SERPINE3: variants seen among roughly 807,000 people sequenced by gnomAD.
SERPINE3 encodes the protein serpin E3.
Under a neutral mutation model 41.7 loss-of-function variants are expected in SERPINE3, and 43 were observed. The ratio of observed to expected loss-of-function variants is 1.03; its 90% confidence interval spans 0.81 to 1.33. The LOEUF (loss-of-function observed/expected upper bound fraction) is 1.33, where lower values mean the gene tolerates loss of function less well. Among genes scored for constraint, SERPINE3 ranks in the 40% most tolerant of loss-of-function variants. The pLI is 0.00. For missense variants in SERPINE3, 440 were observed against 491.7 expected, an observed-to-expected ratio of 0.89 and a Z score of 0.99; for synonymous variants, 200 against 192.2, an observed-to-expected ratio of 1.04 and a Z score of -0.34.
Position 51,355,289 on chromosome 13 carries a change from T to C in SERPINE3, c.1000+146T>C, listed in dbSNP as rs139032125. On this transcript the variant is annotated intron_variant, in intron 7 of 9. Coordinates refer to ENST00000681248, the MANE Select transcript of SERPINE3 (RefSeq NM_001386375.1). ...GTTTTATATAAGAATGTGTTGCTTC[T>C]AATAACAGTCAAATTTGGGTTAGAT... 400 of 576,960 alleles carry C rather than the reference T, an allele frequency of 6.9e-4. 2 individuals are homozygous for C. Among genetic ancestry groups the C allele is most frequent in the South Asian group, 2.0e-3 (87 of 42,902 alleles). The allele number at this position is 576,960 out of a possible 1,614,324, so 35.7% of individuals were successfully genotyped here.
intron 7 of SERPINE3, among the ~76,000 whole-genome samples, chr13:51,356,407 GATA>G (rs1241410784): frequency 6.6e-6 from 1 of 152,172 alleles, no homozygotes; most frequent in Non-Finnish European, 1.5e-5. Flanking sequence ...TTCTATGTTT[GATA>G]ATGTGCAAAA....
chr13:51,344,217 A>G, intron 3 of SERPINE3, 35 bp from the exon 4 acceptor site: 1 of 1,522,384 alleles, frequency 6.6e-7, no homozygotes. Flanking sequence ...ACTCACACTC[A>G]CCATTGTCAA....
At chr13:51,344,216 C>A in intron 3 of SERPINE3, 36 bp from the exon 4 acceptor site, 1 of 1,516,880 alleles carries the variant, frequency 6.6e-7, no homozygotes, top group South Asian at 1.1e-5. Context: ...TACTCACACT[C>A]ACCATTGTCA....
chr13:51,346,935 A>C, intron 4 of SERPINE3, 90 bp from the exon 5 acceptor site: 1 of 925,414 alleles, frequency 1.1e-6, no homozygotes, highest in Non-Finnish European at 1.7e-6. Context: ...TTCGCATTTT[A>C]ACTCTGCACT....
chr13:51,356,777 G>A (rs1471522678), intron 7 of SERPINE3, among the ~76,000 whole-genome samples: 10 of 122,644 alleles, frequency 8.2e-5, no homozygotes, highest in East Asian at 5.4e-4. Context: ...TTTTTGATAC[G>A]AAACCTTTTT....
intron 3 of SERPINE3, among the ~76,000 whole-genome samples, chr13:51,341,972 C>G (rs1053572693): frequency 2.0e-5 from 3 of 152,118 alleles, no homozygotes; most frequent in South Asian, 2.1e-4. Flanking sequence ...CAGCTTATTT[C>G]TATGGATTAT....
intron 9 of SERPINE3, 164 bp downstream of exon 9, chr13:51,362,057 C>T (rs1260839175): frequency 6.3e-7 from 1 of 1,575,676 alleles, no homozygotes; most frequent in East Asian, 2.3e-5. Flanking sequence ...AGAAAGGGGA[C>T]TATTTCGTAA....
chr13:51,353,176 TA>T (rs1955426087), intron 6 of SERPINE3, among the ~76,000 whole-genome samples: 1 of 152,228 alleles, frequency 6.6e-6, no homozygotes, highest in Non-Finnish European at 1.5e-5. Context: ...TAATCTTTTA[TA>T]GTCATATCTC....
At position 51,364,226 on chromosome 13, in the gene SERPINE3, T is replaced by A; in HGVS notation, c.1172-13T>A. On this transcript the variant is annotated splice_polypyrimidine_tract_variant and intron_variant, in intron 9 of 9. Coordinates refer to ENST00000681248, the MANE Select transcript of SERPINE3 (RefSeq NM_001386375.1). ...AATACTATATAATATTAAATTCTTC[T>A]TTTTCTTGACAGGGTTTGTCTTCAG... 7.2e-7 allele frequency: 1 copy of A among 1,384,378 alleles called. No individual in the cohort carries two copies. The highest frequency in any genetic ancestry group is 9.8e-7 in the Non-Finnish European group (1 of 1,024,130). The allele number at this position is 1,384,378 out of a possible 1,614,324, so 85.8% of individuals were successfully genotyped here.
intron 6 of SERPINE3, among the ~76,000 whole-genome samples, chr13:51,351,648 A>C (rs79006687): frequency 0.07 from 10,659 of 151,954 alleles, 422 homozygotes; most frequent in East Asian, 0.19. Context: ...AAGCTCAATT[A>C]ATCTATGTTT....
intron 6 of SERPINE3, chr13:51,354,159 C>T (rs1016768339): frequency 6.6e-6 from 1 of 152,040 alleles, no homozygotes; most frequent in Non-Finnish European, 1.5e-5. Context: ...TAGTCAACAG[C>T]CTCTTTTCTG....
intron 7 of SERPINE3, among the ~76,000 whole-genome samples, 165 bp downstream of exon 7, chr13:51,355,308 G>A (rs1350746085): frequency 1.3e-5 from 2 of 152,110 alleles, no homozygotes; most frequent in East Asian, 3.8e-4. Flanking sequence ...TCAAATTTGG[G>A]TTAGATCTTG....
chr13:51,353,910 C>G (rs768948778), intron 6 of SERPINE3, among the ~76,000 whole-genome samples: 2 of 151,944 alleles, frequency 1.3e-5, no homozygotes, highest in Non-Finnish European at 2.9e-5. Flanking sequence ...TATCAGCAGC[C>G]CTTTTAAAGT....
intron 7 of SERPINE3, among the ~76,000 whole-genome samples, chr13:51,360,327 A>G (rs1336316662): frequency 2.7e-5 from 4 of 148,658 alleles, no homozygotes; most frequent in Non-Finnish European, 6.0e-5. Context: ...AATGGAGGAG[A>G]GGGGTGGGAT....
chr13:51,361,845 T>C lies in SERPINE3; in HGVS notation c.1123T>C (p.Phe375Leu). ...LLLKRSRIPI[F>L]KADRPFIYFL... ...ATTGAAAAGGTCTCGGATTCCTATT[T>C]TTAAAGCAGATCGGCCATTCATCTA... The change falls in exon 9 of 10, where the codon TTT becomes CTT. Residue 375 changes from phenylalanine (F) to leucine (L), a missense_variant. Transcript: ENST00000681248. 6.2e-7 allele frequency: 1 copy of C among 1,611,224 alleles called. No individual in the cohort carries two copies. Among genetic ancestry groups the C allele is most frequent in the Non-Finnish European group, 8.5e-7 (1 of 1,178,560 alleles).
Position 51,364,406 on chromosome 13 carries a change from T to C in SERPINE3, c.*124T>C. 1.9e-6 allele frequency: 1 copy of C among 514,436 alleles called. No homozygotes were observed. 31.9% of individuals were successfully genotyped at this position (514,436 alleles called of 1,614,324 possible). On this transcript the variant is annotated 3_prime_UTR_variant, in exon 10 of 10. Transcript: ENST00000681248. ...AAAGCTAAGGGTATGTGATTTTCAA[T>C]ATTATAAACCTAAAAATACTTCAGT...
intron 3 of SERPINE3, among the ~76,000 whole-genome samples, chr13:51,343,151 C>T (rs575157330): frequency 6.6e-6 from 1 of 152,160 alleles, no homozygotes; most frequent in South Asian, 2.1e-4. Context: ...AGGGGACAGA[C>T]CCCAAGTGAG....
At chr13:51,351,617 CA>C (rs1435148012) in intron 6 of SERPINE3, among the ~76,000 whole-genome samples, 1 of 152,050 alleles carries the variant, frequency 6.6e-6, no homozygotes, top group Non-Finnish European at 1.5e-5. Context: ...CTTTGAAGCA[CA>C]AAAGTTGTTA....
Position 51,364,333 on chromosome 13 carries a change from C to A in SERPINE3, c.*51C>A, listed in dbSNP as rs150478548. On this transcript the variant is annotated 3_prime_UTR_variant, in exon 10 of 10. Coordinates refer to ENST00000681248, the MANE Select transcript of SERPINE3 (RefSeq NM_001386375.1). ...GCTTTTCTTCATAAAGTTATAATTT[C>A]ATTTTGCTATACCCTTGAAATTTAA... 9.3e-7 allele frequency: 1 copy of A among 1,077,762 alleles called. No homozygotes were observed. Among genetic ancestry groups the A allele is most frequent in the African/African-American group, 1.6e-5 (1 of 62,516 alleles). The allele number at this position is 1,077,762 out of a possible 1,614,324, so 66.8% of individuals were successfully genotyped here. A position where few individuals can be genotyped will look rare whatever the true frequency, so the allele number is the denominator to read the frequency against.
Sources: gnomAD v4.1 joint callset for allele counts (sites outside exome capture counted in the v4.1 genomes callset) on GRCh38, gnomAD v4.1.1 for gene constraint, MANE v1.5 for transcripts, NCBI Gene and HGNC (gene_info 2026-07-23, HGNC 2026-07-21) for gene names.